PARD3B: variants seen among roughly 807,000 people sequenced by gnomAD.
PARD3B encodes partitioning defective 3 homolog B.
In PARD3B, 103 loss-of-function variants were observed where a neutral mutation model predicts 130.2. That is an observed-to-expected ratio of 0.79 (90% CI 0.67 to 0.93). The LOEUF (loss-of-function observed/expected upper bound fraction) is 0.93, where lower values mean the gene tolerates loss of function less well. Among genes scored for constraint, PARD3B ranks in the 40% least tolerant of loss-of-function variants. PARD3B has a pLI of 0.00. For missense variants in PARD3B, 1,609 were observed against 1,499.2 expected (o/e 1.07, Z -1.21); for synonymous variants, 583 against 553.2 (o/e 1.05, Z -0.76).
chr2:205,198,548 A>G (rs1046020226), intron 15 of PARD3B, among the ~76,000 whole-genome samples: 1 of 152,172 alleles, frequency 6.6e-6, no homozygotes, highest in South Asian at 2.1e-4. Context: ...GACACCCACA[A>G]TTGAAGTAAT....
chr2:205,514,831 TTC>T (rs1375294428), intron 21 of PARD3B, among the ~76,000 whole-genome samples: 3 of 34,438 alleles, frequency 8.7e-5, no homozygotes, highest in African/African-American at 1.8e-4. Flanking sequence ...TTTCTTACAG[TTC>T]TTTTTTTTTT....
chr2:204,577,369 G>A (rs1331887641), intron 1 of PARD3B, among the ~76,000 whole-genome samples: 1 of 152,164 alleles, frequency 6.6e-6, no homozygotes, highest in Non-Finnish European at 1.5e-5. Context: ...TTGTAGGTGG[G>A]TAAACTGAGT....
intron 1 of PARD3B, among the ~76,000 whole-genome samples, chr2:204,620,349 A>G (rs2034256423): frequency 6.6e-6 from 1 of 152,064 alleles, no homozygotes; most frequent in Admixed American, 6.6e-5. Context: ...CACCCGGCCC[A>G]TGAACCTTTC....
intron 2 of PARD3B, among the ~76,000 whole-genome samples, chr2:204,929,257 G>A (rs1687850059): frequency 6.6e-6 from 1 of 152,118 alleles, no homozygotes; most frequent in Non-Finnish European, 1.5e-5. Context: ...ATGCAGCTAT[G>A]CTAGTGTTCA....
intron 2 of PARD3B, among the ~76,000 whole-genome samples, chr2:204,921,681 CAA>C: frequency 6.6e-6 from 1 of 152,086 alleles, no homozygotes; most frequent in Middle Eastern, 3.4e-3. Flanking sequence ...ATTTTATAGA[CAA>C]GAGGGAATCT....
intron 2 of PARD3B, among the ~76,000 whole-genome samples, chr2:204,757,395 C>T (rs2040722044): frequency 6.6e-6 from 1 of 152,162 alleles, no homozygotes; most frequent in South Asian, 2.1e-4. Context: ...TGTAAGTGTT[C>T]TCTTTCCTCC....
chr2:204,667,338 A>T (rs139663225), intron 1 of PARD3B, among the ~76,000 whole-genome samples: 1 of 152,032 alleles, frequency 6.6e-6, no homozygotes, highest in African/African-American at 2.4e-5. Flanking sequence ...TTTAAACTCA[A>T]TTTTTTTACC....
At chr2:205,206,139 CT>C (rs1284498696) in intron 15 of PARD3B, among the ~76,000 whole-genome samples, 12 of 149,578 alleles carry the variant, frequency 8.0e-5, no homozygotes, top group Non-Finnish European at 1.6e-4. Flanking sequence ...CAGATATGAA[CT>C]TTTTCTTATC....
rs554682377 is a variant in PARD3B at position 205,156,293 on chromosome 2, A to G, written c.1435-2429A>G. ...GGGCGGGGGGGGGAGGAATAGCATTAGGAGATATACCTAATGCTAAATGAC... is the reference window on the plus strand; with the variant it reads ...GGGCGGGGGGGGGAGGAATAGCATTGGGAGATATACCTAATGCTAAATGAC... On this transcript the variant is annotated intron_variant, in intron 10 of 22. Coordinates refer to ENST00000406610, the MANE Select transcript of PARD3B (RefSeq NM_001302769.2). 4.2e-3 allele frequency among the ~76,000 whole-genome samples: 636 copies of G among 149,734 alleles called. 4 individuals are homozygous for G. The highest frequency in any genetic ancestry group is 7.3e-3 in the Non-Finnish European group (490 of 67,192).
intron 1 of PARD3B, among the ~76,000 whole-genome samples, chr2:204,674,036 A>G (rs975841746): frequency 1.3e-5 from 2 of 152,050 alleles, no homozygotes; most frequent in African/African-American, 4.8e-5. Context: ...CCGTCCCCCT[A>G]CTTTCTTACT....
At chr2:205,593,215 C>T (rs1351546922) in intron 22 of PARD3B, among the ~76,000 whole-genome samples, 2 of 152,112 alleles carry the variant, frequency 1.3e-5, no homozygotes, top group African/African-American at 2.4e-5. Context: ...TCCCCAGAAG[C>T]CATTTCTTTC....
At chr2:205,089,207 G>C (rs1238635081) in intron 4 of PARD3B, among the ~76,000 whole-genome samples, 1 of 135,000 alleles carries the variant, frequency 7.4e-6, no homozygotes, top group Non-Finnish European at 1.5e-5. Context: ...TCTCGCTCTT[G>C]TCCCCTAGGC....
intron 3 of PARD3B, among the ~76,000 whole-genome samples, chr2:205,031,153 C>T (rs1020318653): frequency 5.9e-5 from 9 of 152,090 alleles, no homozygotes; most frequent in African/African-American, 2.2e-4. Flanking sequence ...GTGAAAGGAA[C>T]AAATTAAAAG....
chr2:205,175,832 G>T (rs1210675718), intron 12 of PARD3B, among the ~76,000 whole-genome samples: 1 of 152,170 alleles, frequency 6.6e-6, no homozygotes, highest in Non-Finnish European at 1.5e-5. Context: ...TCTGGATACA[G>T]CAGTTTTCAG....
Position 205,274,779 on chromosome 2 carries a change from C to T in PARD3B, c.2186-25751C>T, listed in dbSNP as rs1478118764. ...ATCATTATATTATTTTATAAAGAAT[C>T]CATAACATTTTCTCTTCTTGGCTTT... On this transcript the variant is annotated intron_variant, in intron 16 of 22. Coordinates refer to ENST00000406610, the MANE Select transcript of PARD3B (RefSeq NM_001302769.2). The surrounding 1 kb of genome is among the most constrained non-coding windows in gnomAD (Gnocchi z 4.2). Among the ~76,000 whole-genome samples the T allele has an allele frequency of 6.6e-6, 1 of 152,086 alleles. No individual in the cohort carries two copies. The highest frequency in any genetic ancestry group is 2.4e-5 in the African/African-American group (1 of 41,418).
chr2:204,945,101 G>A (rs921810156), intron 2 of PARD3B, among the ~76,000 whole-genome samples: 13 of 152,160 alleles, frequency 8.5e-5, no homozygotes, highest in Middle Eastern at 3.2e-3. Flanking sequence ...CAGTACCATC[G>A]GGTTCATATG....
chr2:205,208,902 G>A (rs1388021390), intron 15 of PARD3B, among the ~76,000 whole-genome samples: 1 of 137,546 alleles, frequency 7.3e-6, no homozygotes, highest in Non-Finnish European at 1.6e-5. Context: ...AAAAGAGCCT[G>A]CATCGCCAAG....
At chr2:204,972,468 T>C (rs1178147170) in intron 3 of PARD3B, among the ~76,000 whole-genome samples, 2 of 152,210 alleles carry the variant, frequency 1.3e-5, no homozygotes, top group African/African-American at 4.8e-5. Context: ...TTTAGTCTTA[T>C]TTCAATTTTC....
chr2:204,895,271 A>T (rs1412688766), intron 2 of PARD3B, among the ~76,000 whole-genome samples: 1 of 152,146 alleles, frequency 6.6e-6, no homozygotes, highest in African/African-American at 2.4e-5. Flanking sequence ...TAAAAGGCTA[A>T]TTTGAAATGT....
Sources: allele counts gnomAD v4.1 joint callset (sites outside exome capture counted in the v4.1 genomes callset), GRCh38; gene constraint gnomAD v4.1.1; non-coding constraint Gnocchi (gnomAD v3.1); transcripts MANE v1.5; gene names NCBI Gene and HGNC (gene_info 2026-07-23, HGNC 2026-07-21).